Variants in VIPR2 observed in about 807,000 individuals in gnomAD.
VIPR2 encodes the protein vasoactive intestinal peptide receptor 2.
Under a neutral mutation model 58.0 loss-of-function variants are expected in VIPR2, and 48 were observed. The ratio of observed to expected loss-of-function variants is 0.83; its 90% CI spans 0.66 to 1.05. The LOEUF is 1.05. VIPR2 is among the 50% of genes least tolerant of loss of function. The pLI is 0.00. For synonymous variants in VIPR2, 243 were observed against 235.2 expected (o/e 1.03, Z -0.30); for missense variants, 534 against 558.0 (o/e 0.96, Z 0.43).
At chr7:159,132,688 G>T (rs371828400) in intron 2 of VIPR2, among the ~76,000 whole-genome samples, 15,240 of 139,216 alleles carry the variant, frequency 0.11, 12 homozygotes, top group Non-Finnish European at 0.12. Flanking sequence ...ATCATTCACG[G>T]ACGGGCTCAT....
Position 159,031,283 on chromosome 7 carries a change from T to A in VIPR2, c.1144-494A>T, listed in dbSNP as rs78940854. The stretch of plus-strand genomic sequence containing the variant: ...AGAAGCCGTGCTGGTGAAAGCTGCA[T>A]GTCAAGCAAAGAAAGCGCCAGCAAC... On this transcript the variant is annotated intron_variant, in intron 12 of 12. Coordinates refer to ENST00000262178, the MANE Select transcript of VIPR2 (RefSeq NM_003382.5). The surrounding 1 kb of genome is among the most constrained non-coding windows in gnomAD (Gnocchi z 4.0). Among the ~76,000 whole-genome samples, 3 of 151,202 alleles carry A rather than the reference T, an allele frequency of 2.0e-5. No homozygotes were observed. The highest frequency in any genetic ancestry group is 1.5e-5 in the Non-Finnish European group (1 of 67,824).
At chr7:159,138,482 T>C (rs551221126) in intron 2 of VIPR2, among the ~76,000 whole-genome samples, 1 of 152,344 alleles carries the variant, frequency 6.6e-6, no homozygotes, top group South Asian at 2.1e-4. Flanking sequence ...CACTAGAACA[T>C]TGTTTGTAGT....
rs771557982 is a variant in VIPR2, at chr7:159,051,023, AG to A, written c.455+7457del. The stretch of plus-strand genomic sequence containing the variant: ...CTCTCCAAAATAGCCTCAAAAATGA[AG>A]GCAAAATTAAAATGATTTCAAGCAA... On this transcript the variant is annotated intron_variant, in intron 5 of 12. Transcript: ENST00000262178. Among the ~76,000 whole-genome samples, 196 of 152,342 alleles carry A rather than the reference AG, an allele frequency of 1.3e-3. 1 individual carries two copies. Among genetic ancestry groups the A allele is most frequent in the East Asian group, 1.9e-3 (10 of 5,188 alleles).
intron 5 of VIPR2, among the ~76,000 whole-genome samples, chr7:159,057,252 C>A (rs1855378002): frequency 2.0e-5 from 3 of 152,076 alleles, no homozygotes; most frequent in African/African-American, 7.2e-5. Flanking sequence ...AAATAGTAAA[C>A]ATATATAGTA....
intron 5 of VIPR2, among the ~76,000 whole-genome samples, chr7:159,054,498 G>C (rs1645438521): frequency 6.6e-6 from 1 of 152,146 alleles, no homozygotes; most frequent in African/African-American, 2.4e-5. Flanking sequence ...AGACCAAACA[G>C]AAAAATGAGC....
intron 2 of VIPR2, among the ~76,000 whole-genome samples, chr7:159,114,750 G>A (rs183837362): frequency 1.1e-4 from 17 of 151,060 alleles, no homozygotes; most frequent in Non-Finnish European, 1.6e-4. Context: ...AGTCAAGCCC[G>A]GGTGACTGAG....
At chr7:159,074,663 A>C (rs1486431108) in intron 4 of VIPR2, among the ~76,000 whole-genome samples, 2 of 152,248 alleles carry the variant, frequency 1.3e-5, no homozygotes, top group Non-Finnish European at 2.9e-5. Context: ...ATACTATTAA[A>C]AATTGTTCTT....
chr7:159,094,091 G>A (rs1857674276), intron 4 of VIPR2, among the ~76,000 whole-genome samples: 1 of 152,222 alleles, frequency 6.6e-6, no homozygotes, highest in Non-Finnish European at 1.5e-5. Context: ...GAGAGATGCA[G>A]AGGAGGGGAT....
intron 2 of VIPR2, among the ~76,000 whole-genome samples, chr7:159,138,115 A>G (rs1195836573): frequency 6.6e-6 from 1 of 152,232 alleles, no homozygotes; most frequent in Non-Finnish European, 1.5e-5. Flanking sequence ...CTCCCGCAGC[A>G]GAGGGCAGCA....
chr7:159,087,694 C>G (rs1857262921), intron 4 of VIPR2, among the ~76,000 whole-genome samples: 2 of 100,426 alleles, frequency 2.0e-5, no homozygotes, highest in Non-Finnish European at 2.1e-5. Context: ...ACAGGATCCT[C>G]ATAGTGAGAT....
rs111557895 is a variant in VIPR2 at position 159,049,551 on chromosome 7, G to A, written c.456-6375C>T. 1.4e-4 allele frequency among the ~76,000 whole-genome samples: 22 copies of A among 152,328 alleles called. No individual in the cohort carries two copies. The East Asian group carries it at 3.7e-3, about 25-fold the overall frequency. On this transcript the variant is annotated intron_variant, in intron 5 of 12. Coordinates refer to ENST00000262178, the MANE Select transcript of VIPR2 (RefSeq NM_003382.5). Reference sequence around the variant, plus strand: ...CAGCCTCACCCGCCACAGCAGAAACGGGAGATAAGGGCTGTTGGGTGACCC... The same window carrying A: ...CAGCCTCACCCGCCACAGCAGAAACAGGAGATAAGGGCTGTTGGGTGACCC...
intron 2 of VIPR2, among the ~76,000 whole-genome samples, chr7:159,123,882 T>A (rs114872710): frequency 0.013 from 2,021 of 152,338 alleles, 42 homozygotes; most frequent in African/African-American, 0.045. Flanking sequence ...TGGTATGGAT[T>A]TGCATTTCTC....
At chr7:159,122,642 C>A (rs1484455267) in intron 2 of VIPR2, among the ~76,000 whole-genome samples, 6 of 152,208 alleles carry the variant, frequency 3.9e-5, no homozygotes, top group African/African-American at 7.2e-5. Context: ...ACCTGTGAGT[C>A]TTTGTGTCTT....
chr7:159,080,650 T>C (rs1407188172), intron 4 of VIPR2, among the ~76,000 whole-genome samples: 1 of 152,210 alleles, frequency 6.6e-6, no homozygotes, highest in Non-Finnish European at 1.5e-5. Context: ...ATAAAGGGCA[T>C]CAATTAGGAA....
chr7:159,061,309 A>T (rs902168265), intron 4 of VIPR2, among the ~76,000 whole-genome samples: 2 of 150,714 alleles, frequency 1.3e-5, no homozygotes, highest in Admixed American at 1.3e-4. Flanking sequence ...TCCAGGTAAC[A>T]AGCCTGCCCA....
rs546312067 is a variant in VIPR2 at position 159,112,307 on chromosome 7, C to G, written c.152-2388G>C. Among the ~76,000 whole-genome samples, 7 of 152,290 alleles carry G rather than the reference C, an allele frequency of 4.6e-5. No individual in the cohort carries two copies. In the South Asian group the frequency reaches 1.5e-3, roughly 32 times the overall value. On this transcript the variant is annotated intron_variant, in intron 2 of 12. Coordinates refer to ENST00000262178, the MANE Select transcript of VIPR2 (RefSeq NM_003382.5). ...CTGTCAGGATGTGAGGAAGCGGACTCGAGGGCGTCAGGGCGCCGAGGCTGA... is the reference window on the plus strand; with the variant it reads ...CTGTCAGGATGTGAGGAAGCGGACTGGAGGGCGTCAGGGCGCCGAGGCTGA...
chr7:159,126,389 C>T (rs1166216846), intron 2 of VIPR2, among the ~76,000 whole-genome samples: 3 of 152,334 alleles, frequency 2.0e-5, no homozygotes, highest in Middle Eastern at 6.8e-3. Flanking sequence ...TCTATGCATT[C>T]GCCAAGCTGG....
chr7:159,063,844 T>C lies in VIPR2; in HGVS notation c.358-5266A>G, dbSNP rs1401898356. On this transcript the variant is annotated intron_variant, in intron 4 of 12. Coordinates refer to ENST00000262178, the MANE Select transcript of VIPR2 (RefSeq NM_003382.5). ...GGGGTCCGGGGGTCCTGGTGGGGTC[T>C]GGGGGGCCTGGTGGGTTCCGGGGGT... Among the ~76,000 whole-genome samples, 121 of 36,754 alleles carry C rather than the reference T, an allele frequency of 3.3e-3. 1 individual carries two copies. Among genetic ancestry groups the C allele is most frequent in the African/African-American group, 0.011 (77 of 6,818 alleles). The allele number at this position is 36,754 out of a possible 152,430, so 24.1% of individuals were successfully genotyped here. A position where few individuals can be genotyped will look rare whatever the true frequency, so the allele number is the denominator to read the frequency against.
At chr7:159,110,690 T>G (rs1178542383) in intron 2 of VIPR2, among the ~76,000 whole-genome samples, 1 of 154 alleles carries the variant, frequency 6.5e-3, no homozygotes, top group Non-Finnish European at 0.01. Flanking sequence ...CTAGCCTTGG[T>G]CGGTAAAACA....
Sources: gnomAD v4.1 joint callset for allele counts (sites outside exome capture counted in the v4.1 genomes callset) on GRCh38, gnomAD v4.1.1 for gene constraint, Gnocchi (gnomAD v3.1) non-coding constraint, MANE v1.5 for transcripts, NCBI Gene and HGNC (gene_info 2026-07-23, HGNC 2026-07-21) for gene names.